SHISA9: variants seen among roughly 807,000 people sequenced by gnomAD.
SHISA9 encodes the protein shisa family member 9.
A neutral mutation model predicts 38.0 loss-of-function variants in SHISA9; 13 were observed. That is an observed-to-expected ratio of 0.34 (90% CI 0.22 to 0.54). The LOEUF (loss-of-function observed/expected upper bound fraction) is 0.54. Ranked by LOEUF, SHISA9 falls within the 20% of genes least tolerant of loss-of-function variation. The probability of loss-of-function intolerance (pLI) is 0.91; values close to 1 mark genes in which losing one functional copy is unlikely to be tolerated. For missense variants in SHISA9, 538 were observed against 575.8 expected, an observed-to-expected ratio of 0.93 and a Z score of 0.67; for synonymous variants, 275 against 242.0, an observed-to-expected ratio of 1.14 and a Z score of -1.27.
the SHISA9 span, among the ~76,000 whole-genome samples, chr16:13,275,515 A>G: frequency 6.6e-6 from 1 of 152,088 alleles, no homozygotes; most frequent in Non-Finnish European, 1.5e-5. Context: ...GAATATTTGG[A>G]TGTATGTTCA....
chr16:13,147,381 A>G (rs2050456538), intron 2 of SHISA9, among the ~76,000 whole-genome samples: 1 of 151,716 alleles, frequency 6.6e-6, no homozygotes, highest in Non-Finnish European at 1.5e-5. Flanking sequence ...AGCAGGAACT[A>G]GAAACTTTAA....
chr16:13,457,154 A>G, the SHISA9 span, among the ~76,000 whole-genome samples: 3 of 152,190 alleles, frequency 2.0e-5, no homozygotes, highest in Non-Finnish European at 4.4e-5. Context: ...TAAAAATACA[A>G]AATTAGCCAG....
chr16:12,915,652 A>G (rs2071243988), intron 1 of SHISA9, among the ~76,000 whole-genome samples: 2 of 152,198 alleles, frequency 1.3e-5, no homozygotes, highest in Non-Finnish European at 2.9e-5. Flanking sequence ...ATGAAGGCTC[A>G]TTCCTGAAGG....
chr16:13,424,794 G>C, the SHISA9 span, among the ~76,000 whole-genome samples: 58 of 152,288 alleles, frequency 3.8e-4, no homozygotes, highest in African/African-American at 1.3e-3. Flanking sequence ...ATAAAGCGTA[G>C]ACCAGAATCA....
chr16:13,195,885 C>G (rs747479577), intron 2 of SHISA9, among the ~76,000 whole-genome samples: 1 of 150,294 alleles, frequency 6.7e-6, no homozygotes, highest in African/African-American at 2.4e-5. Context: ...GTCAGGAGTT[C>G]AAGATCAGCT....
chr16:13,240,607 C>G (rs147970127), downstream of SHISA9, among the ~76,000 whole-genome samples: 2 of 152,164 alleles, frequency 1.3e-5, no homozygotes, highest in African/African-American at 2.4e-5. Flanking sequence ...GTGTTTGAAG[C>G]GTTTTTGGTA....
intron 2 of SHISA9, among the ~76,000 whole-genome samples, chr16:13,183,108 C>A (rs1182094175): frequency 6.6e-6 from 1 of 152,194 alleles, no homozygotes; most frequent in Non-Finnish European, 1.5e-5. Flanking sequence ...CATTTGATGA[C>A]CTAGACACAA....
At chr16:13,123,978 G>T (rs1357335688) in intron 2 of SHISA9, among the ~76,000 whole-genome samples, 2 of 152,204 alleles carry the variant, frequency 1.3e-5, no homozygotes, top group Admixed American at 6.5e-5. Flanking sequence ...CTCAATGTAT[G>T]ACTGTTCCCT....
rs1314974614 is a variant in SHISA9, at chr16:12,926,486, A to G, written c.691+9671A>G. 2.0e-5 allele frequency among the ~76,000 whole-genome samples: 3 copies of G among 152,222 alleles called. 1 individual carries two copies. Among genetic ancestry groups the G allele is most frequent in the Admixed American group, 1.3e-4 (2 of 15,274 alleles). ...TTAAAATACTGCTATGTGCCAGTCA[A>G]TGTGCCAGGAATTGGAGGTACAAGG... On this transcript the variant is annotated intron_variant, in intron 2 of 4. Transcript: ENST00000558583.
chr16:13,399,531 C>T, the SHISA9 span, among the ~76,000 whole-genome samples: 1 of 152,172 alleles, frequency 6.6e-6, no homozygotes, highest in Admixed American at 6.5e-5. Context: ...TGCTTCAAGA[C>T]CGGTCCACTC....
intron 2 of SHISA9, among the ~76,000 whole-genome samples, chr16:13,161,910 C>T (rs535440425): frequency 2.0e-5 from 3 of 152,108 alleles, no homozygotes; most frequent in Admixed American, 2.0e-4. Flanking sequence ...ATTGGTGATA[C>T]ACATTGCATT....
the SHISA9 span, among the ~76,000 whole-genome samples, chr16:13,483,825 A>C: frequency 1.3e-5 from 2 of 152,100 alleles, no homozygotes; most frequent in Non-Finnish European, 2.9e-5. Context: ...AGAGCATGGA[A>C]GCTCTGTGTC....
At chr16:13,508,774 A>C in the SHISA9 span, among the ~76,000 whole-genome samples, 1 of 152,230 alleles carries the variant, frequency 6.6e-6, no homozygotes, top group Non-Finnish European at 1.5e-5. Flanking sequence ...AGAAACTTTC[A>C]TGAGGAGAAA....
At chr16:13,256,913 C>A in the SHISA9 span, among the ~76,000 whole-genome samples, 1 of 152,128 alleles carries the variant, frequency 6.6e-6, no homozygotes, top group African/African-American at 2.4e-5. Context: ...GTGAACCTTC[C>A]CCCAGAAACA....
chr16:13,017,577 C>T (rs963539488), intron 2 of SHISA9, among the ~76,000 whole-genome samples: 5 of 149,576 alleles, frequency 3.3e-5, no homozygotes, highest in Non-Finnish European at 5.9e-5. Context: ...AACAATAATT[C>T]GTTGACTGGT....
At chr16:13,137,922 T>A (rs887087559) in intron 2 of SHISA9, among the ~76,000 whole-genome samples, 11 of 152,214 alleles carry the variant, frequency 7.2e-5, no homozygotes, top group African/African-American at 2.7e-4. Context: ...CTCGTATTTT[T>A]CTTCAGGACT....
At chr16:12,956,544 A>T (rs1214756028) in intron 2 of SHISA9, among the ~76,000 whole-genome samples, 1 of 152,240 alleles carries the variant, frequency 6.6e-6, no homozygotes, top group Non-Finnish European at 1.5e-5. Flanking sequence ...CTATGCAGCC[A>T]TAAAAAGAAT....
chr16:13,359,641 T>C, the SHISA9 span, among the ~76,000 whole-genome samples: 1 of 152,232 alleles, frequency 6.6e-6, no homozygotes, highest in East Asian at 1.9e-4. Flanking sequence ...TCTCTGAGAC[T>C]CAGGTTCTCA....
chr16:13,499,367 A>G, the SHISA9 span, among the ~76,000 whole-genome samples: 1 of 152,244 alleles, frequency 6.6e-6, no homozygotes, highest in Admixed American at 6.5e-5. Flanking sequence ...TGCAGATTCT[A>G]AAAGCGGTGC....
Sources: gnomAD v4.1 joint callset for allele counts (sites outside exome capture counted in the v4.1 genomes callset) on GRCh38, gnomAD v4.1.1 for gene constraint, MANE v1.5 for transcripts, NCBI Gene and HGNC (gene_info 2026-07-23, HGNC 2026-07-21) for gene names.